The following RBM4B variants were observed in gnomAD, a reference collection of about 807,000 sequenced individuals.
The protein encoded by RBM4B is RNA binding motif protein 4B.
In RBM4B, 13 loss-of-function variants were observed where a neutral mutation model predicts 28.5. That is an observed-to-expected ratio of 0.46 (90% confidence interval 0.30 to 0.72). The LOEUF (loss-of-function observed/expected upper bound fraction) is 0.72, where lower values mean the gene tolerates loss of function less well. Ranked by LOEUF, RBM4B falls within the 30% of genes least tolerant of loss-of-function variation. The pLI, the probability that RBM4B is intolerant of heterozygous loss-of-function variation, is 0.09. For synonymous variants in RBM4B, 167 were observed against 179.1 expected, an observed-to-expected ratio of 0.93 and a Z score of 0.54; for missense variants, 387 against 477.6, an observed-to-expected ratio of 0.81 and a Z score of 1.77.
At chr11:66,673,589 G>A (rs1939538512) in intron 2 of RBM4B, among the ~76,000 whole-genome samples, 1 of 152,180 alleles carries the variant, frequency 6.6e-6, no homozygotes, top group Non-Finnish European at 1.5e-5. Flanking sequence ...CTCCTGAGTA[G>A]CCGGGATTAC....
chr11:66,674,645 G>A (rs2135249033), intron 2 of RBM4B, among the ~76,000 whole-genome samples: 1 of 151,368 alleles, frequency 6.6e-6, no homozygotes, highest in East Asian at 1.9e-4. Context: ...TCGGTTTACT[G>A]CAACCTCTAC....
intron 3 of RBM4B, chr11:66,667,702 T>G (rs950005299): frequency 1.1e-4 from 17 of 149,604 alleles, no homozygotes; most frequent in African/African-American, 3.4e-4. Flanking sequence ...AAGTAGGTTT[T>G]TTTTTTTTTT....
At chr11:66,666,395 C>T in intron 3 of RBM4B, 1 of 993,372 alleles carries the variant, frequency 1.0e-6, no homozygotes, top group South Asian at 4.5e-5. Flanking sequence ...ATTTGGATCC[C>T]CAACAGTTCT....
chr11:66,667,519 C>G (rs1025252270), intron 3 of RBM4B: 6 of 152,114 alleles, frequency 3.9e-5, no homozygotes, highest in Admixed American at 6.6e-5. Flanking sequence ...CTTAAGTGCC[C>G]ATCTAGAACA....
In RBM4B at chr11:66,676,823, CTGA is replaced by C; in HGVS notation, c.254_256del (p.Ile85del). The C allele has an allele frequency of 1.2e-6, 2 of 1,614,172 alleles. No homozygotes were observed. The highest frequency in any genetic ancestry group is 1.7e-6 in the Non-Finnish European group (2 of 1,180,036). ...AAGCTCTTGGTTGGTACAAGTGGGG[CTGA>C]TGTTACCCACGTGTAACTTGGTTGA... is the stretch of plus-strand genomic sequence containing the variant. On this transcript the variant is annotated inframe_deletion, in exon 2 of 4. Transcript: ENST00000310046.
chr11:66,676,627 G>T, intron 2 of RBM4B, 41 bp downstream of exon 2: 1 of 1,603,510 alleles, frequency 6.2e-7, no homozygotes. Flanking sequence ...TTTTGAGCTA[G>T]ACCCCACTCG....
At chr11:66,665,847 A>G in intron 3 of RBM4B, 2 of 1,525,264 alleles carry the variant, frequency 1.3e-6, no homozygotes, top group Middle Eastern at 1.7e-4. Flanking sequence ...TTTCTTATCC[A>G]TCTTTTAGGC....
chr11:66,669,823 AG>A (rs1241986232), intron 2 of RBM4B, among the ~76,000 whole-genome samples: 1 of 152,220 alleles, frequency 6.6e-6, no homozygotes, highest in Non-Finnish European at 1.5e-5. Context: ...TACTTAGGCC[AG>A]GAATAGACCA....
rs545787285 is a variant in RBM4B at position 66,668,590 on chromosome 11, T to G, written c.*9+25A>C. 4.5e-6 allele frequency: 7 copies of G among 1,559,260 alleles called. No individual in the cohort carries two copies. In the South Asian group the frequency reaches 8.3e-5, roughly 18 times the overall value. ...TTTCAAGGGAACTAAATGGAATCTT[T>G]TAACCATTCCCACCCATCTCTCACC... On this transcript the variant is annotated intron_variant, in intron 3 of 3. Coordinates refer to ENST00000310046, the MANE Select transcript of RBM4B (RefSeq NM_031492.4).
Position 66,668,902 on chromosome 11 carries a change from C to T in RBM4B, c.802G>A (p.Val268Ile), listed in dbSNP as rs758456481. Residue 268 changes from valine (V) to isoleucine (I), a missense_variant, in exon 3 of 4, where the codon GTT becomes ATT. Physicochemically the swap from Val to Ile is conservative, Grantham distance 29. This residue lies in a region of RBM4B where 226 missense variants were observed against 220.6 expected (regional missense o/e 1.02). Transcript: ENST00000310046. ...TVTSHLNSTS[V>I]DPYDRHLLPN... is the part of the protein sequence containing the mutation. ...AATAGGTGTCTGTCATAGGGATCAA[C>T]AGAAGTAGAGTTGAGGTGGCTGGTC... 4 of 1,614,068 alleles carry T rather than the reference C, an allele frequency of 2.5e-6. No homozygotes were observed. In the South Asian group the frequency reaches 3.3e-5, roughly 13 times the overall value.
chr11:66,666,027 A>C (rs1264625140), intron 3 of RBM4B: 1 of 1,368,252 alleles, frequency 7.3e-7, no homozygotes. Flanking sequence ...TTCACAGTAA[A>C]CAAGCTTTCA....
chr11:66,676,368 C>T lies in RBM4B; in HGVS notation c.412+300G>A, dbSNP rs1939635377. ...ATCCTCCCTTCTCTCATGAGGTACT[C>T]GTTTCCCCAAGCAGATTACACTTCC... On this transcript the variant is annotated intron_variant, in intron 2 of 3. Transcript: ENST00000310046. The T allele has an allele frequency of 3.2e-5, 17 of 533,158 alleles. No homozygotes were observed. The South Asian group carries it at 5.1e-4, about 16-fold the overall frequency. 33.0% of individuals were successfully genotyped at this position (533,158 alleles called of 1,614,324 possible).
chr11:66,668,668 C>G lies in RBM4B; in HGVS notation c.1036G>C (p.Glu346Gln). Residue 346 changes from glutamate to glutamine, a missense_variant, in exon 3 of 4, where the codon GAA becomes CAA. Physicochemically the swap from Glu to Gln is conservative, Grantham distance 29 (BLOSUM62 2). Around this residue, in one of 2 missense-constraint regions of RBM4B, gnomAD observed 226 missense variants for 220.6 expected, o/e 1.02. Transcript: ENST00000310046. ...RNSLYDMARY[E>Q]REQYVDRARY... ...GCTCGGTCCACATACTGCTCCCGTTCATACCGGGCCATGTCATACAGAGAA... is the reference window on the plus strand; with the variant it reads ...GCTCGGTCCACATACTGCTCCCGTTGATACCGGGCCATGTCATACAGAGAA... 1.2e-6 allele frequency: 2 copies of G among 1,613,832 alleles called. No homozygotes were observed. The highest frequency in any genetic ancestry group is 1.7e-6 in the Non-Finnish European group (2 of 1,179,698).
At chr11:66,671,136 A>G (rs1939450093) in intron 2 of RBM4B, among the ~76,000 whole-genome samples, 2 of 152,352 alleles carry the variant, frequency 1.3e-5, no homozygotes, top group East Asian at 1.9e-4. Flanking sequence ...AGCAGAAACA[A>G]AAGTGCTCAG....
intron 2 of RBM4B, among the ~76,000 whole-genome samples, chr11:66,673,528 T>C (rs547320667): frequency 3.4e-4 from 52 of 152,340 alleles, no homozygotes; most frequent in African/African-American, 1.3e-3. Context: ...GGCACGGTCT[T>C]GACTCACTGC....
chr11:66,670,243 C>A (rs1034915144), intron 2 of RBM4B, among the ~76,000 whole-genome samples: 2 of 134,314 alleles, frequency 1.5e-5, no homozygotes, highest in Admixed American at 7.8e-5. Context: ...CCCCGACCCC[C>A]CCAAGGCTAC....
At chr11:66,676,535 G>A (rs1939641406) in intron 2 of RBM4B, 133 bp downstream of exon 2, 6 of 1,083,386 alleles carry the variant, frequency 5.5e-6, no homozygotes, top group Non-Finnish European at 7.9e-6. Context: ...GCTTAAGAGC[G>A]GTAAACATAA....
In RBM4B at chr11:66,665,051, G is replaced by A. The variant is rs1387507479; in HGVS notation, c.*537C>T. 1 of 152,544 alleles carries A rather than the reference G, an allele frequency of 6.6e-6. No homozygotes were observed. The highest frequency in any genetic ancestry group is 2.4e-5 in the African/African-American group (1 of 41,456). The allele number at this position is 152,544 out of a possible 1,614,324, so 9.4% of individuals were successfully genotyped here. A position where few individuals can be genotyped will look rare whatever the true frequency, so the allele number is the denominator to read the frequency against. On this transcript the variant is annotated 3_prime_UTR_variant, in exon 4 of 4. Transcript: ENST00000310046. ...AAAAATTTTTTTAAAAAAGGGAGGA[G>A]TGGAGTAAAACAAGGGTAAATTTCA...
At chr11:66,672,515 G>C (rs1449314125) in intron 2 of RBM4B, among the ~76,000 whole-genome samples, 1 of 149,908 alleles carries the variant, frequency 6.7e-6, no homozygotes, top group East Asian at 2.0e-4. Flanking sequence ...TGGGGGGGGG[G>C]GACAGATTCT....
Sources: gnomAD v4.1 joint callset for allele counts (sites outside exome capture counted in the v4.1 genomes callset) on GRCh38, gnomAD v4.1.1 for gene constraint, gnomAD v4.1.1 regional missense constraint, MANE v1.5 for transcripts, NCBI Gene and HGNC (gene_info 2026-07-23, HGNC 2026-07-21) for gene names.